Variants in ERP44 observed in about 807,000 individuals in gnomAD.
ERP44 encodes the protein endoplasmic reticulum resident protein 44.
In ERP44, 25 loss-of-function variants were observed where a neutral mutation model predicts 53.4. That is an observed-to-expected ratio of 0.47 (90% CI 0.34 to 0.65). The LOEUF is 0.65. ERP44 is among the 30% of genes least tolerant of loss of function. ERP44 has a pLI of 0.01. For synonymous variants in ERP44, 145 were observed against 161.2 expected (o/e 0.90, Z 0.76); for missense variants, 338 against 493.2 (o/e 0.69, Z 2.98).
chr9:99,980,078 C>CCTA lies in ERP44; in HGVS notation c.*2531_*2533dup, dbSNP rs1403270426. On this transcript the variant is annotated 3_prime_UTR_variant, in exon 12 of 12. Coordinates refer to ENST00000262455, the MANE Select transcript of ERP44 (RefSeq NM_015051.3). ...CAGATTATTCCCTCTCAGCCAGATC[C>CCTA]CTACCTCCTGAGAACACCTATTCAT... The CCTA allele has an allele frequency of 2.5e-6, 1 of 398,384 alleles. No homozygotes were observed. The highest frequency in any genetic ancestry group is 2.1e-5 in the African/African-American group (1 of 48,606). The allele number at this position is 398,384 out of a possible 1,614,324, so 24.7% of individuals were successfully genotyped here.
intron 4 of ERP44, among the ~76,000 whole-genome samples, chr9:100,023,743 C>A (rs1227475174): frequency 6.6e-6 from 1 of 151,880 alleles, no homozygotes; most frequent in African/African-American, 2.4e-5. Context: ...CTGTGCCTAG[C>A]CATAAAATGA....
In ERP44 at chr9:100,055,194, G is replaced by T. The variant is rs1261704741; in HGVS notation, c.170+2626C>A. The stretch of plus-strand genomic sequence containing the variant: ...AAACCTATGTAAAGAGTCTGGATGG[G>T]GATGGTTAATGAGTACAAAAATATA... On this transcript the variant is annotated intron_variant, in intron 3 of 11. Transcript: ENST00000262455. 3.3e-5 allele frequency among the ~76,000 whole-genome samples: 5 copies of T among 152,068 alleles called. No individual in the cohort carries two copies. In the East Asian group the frequency reaches 9.7e-4, roughly 29 times the overall value.
At chr9:100,054,656 G>C (rs568946477) in intron 3 of ERP44, among the ~76,000 whole-genome samples, 1 of 152,216 alleles carries the variant, frequency 6.6e-6, no homozygotes, top group Non-Finnish European at 1.5e-5. Flanking sequence ...TTGGGGTTAG[G>C]GATGTTGAAC....
At chr9:100,056,872 C>A (rs1826092730) in intron 3 of ERP44, among the ~76,000 whole-genome samples, 1 of 152,020 alleles carries the variant, frequency 6.6e-6, no homozygotes, top group Non-Finnish European at 1.5e-5. Context: ...TCATAAGGGG[C>A]CTTCTGGGTC....
chr9:100,016,508 T>C, intron 7 of ERP44, 70 bp from the exon 8 acceptor site: 2 of 1,453,086 alleles, frequency 1.4e-6, no homozygotes, highest in Non-Finnish European at 1.8e-6. Context: ...ATTTTTTTTC[T>C]TTATATTTTT....
intron 1 of ERP44, among the ~76,000 whole-genome samples, chr9:100,069,951 T>C (rs1222145866): frequency 6.6e-6 from 1 of 152,250 alleles, no homozygotes. Flanking sequence ...AGACAATGTA[T>C]TTTTCTCTGA....
chr9:100,008,321 CTTTA>C (rs1277656257), intron 8 of ERP44, among the ~76,000 whole-genome samples: 2 of 152,062 alleles, frequency 1.3e-5, no homozygotes, highest in African/African-American at 2.4e-5. Context: ...TTATATACCT[CTTTA>C]TTTATACACA....
intron 6 of ERP44, among the ~76,000 whole-genome samples, chr9:100,020,116 C>T (rs1830571204): frequency 6.6e-6 from 1 of 152,100 alleles, no homozygotes; most frequent in Admixed American, 6.5e-5. Context: ...TGGATCAAAG[C>T]CCCAGAGGAG....
intron 10 of ERP44, among the ~76,000 whole-genome samples, chr9:99,995,606 A>C (rs1407865174): frequency 6.6e-6 from 1 of 152,200 alleles, no homozygotes; most frequent in African/African-American, 2.4e-5. Flanking sequence ...CATATGAGTG[A>C]GATCATGCAG....
intron 10 of ERP44, among the ~76,000 whole-genome samples, chr9:99,988,135 T>A (rs1490056732): frequency 6.6e-6 from 1 of 152,232 alleles, no homozygotes; most frequent in Non-Finnish European, 1.5e-5. Flanking sequence ...CCTTGTATTA[T>A]CAGTATTTTA....
chr9:100,043,372 TA>T (rs1825934410), intron 4 of ERP44, among the ~76,000 whole-genome samples: 1 of 147,286 alleles, frequency 6.8e-6, no homozygotes. Flanking sequence ...AAAAATAACT[TA>T]AACCGTATGA....
chr9:100,081,424 C>T (rs1311188361), intron 1 of ERP44, among the ~76,000 whole-genome samples: 2 of 151,882 alleles, frequency 1.3e-5, no homozygotes, highest in South Asian at 2.1e-4. Flanking sequence ...ACAGCAGCAA[C>T]ATCTGTAAAG....
At chr9:100,071,097 T>TTTG (rs1392768468) in intron 1 of ERP44, among the ~76,000 whole-genome samples, 4 of 148,864 alleles carry the variant, frequency 2.7e-5, no homozygotes, top group South Asian at 2.2e-4. Context: ...TATAAGGTTT[T>TTTG]TTTTTTTTTT....
Position 100,045,267 on chromosome 9 carries a change from T to C in ERP44, c.286+7150A>G, listed in dbSNP as rs571893093. Among the ~76,000 whole-genome samples, 3 of 152,288 alleles carry C rather than the reference T, an allele frequency of 2.0e-5. No individual in the cohort carries two copies. In the South Asian group the frequency reaches 6.2e-4, roughly 32 times the overall value. ...TCCTTCACTTTTTTTAATCATTTCCTCGAAAACGTCTTCCCTATCCCTGCA... is the reference window on the plus strand; with the variant it reads ...TCCTTCACTTTTTTTAATCATTTCCCCGAAAACGTCTTCCCTATCCCTGCA... On this transcript the variant is annotated intron_variant, in intron 4 of 11. Transcript: ENST00000262455.
Position 99,979,417 on chromosome 9 carries a change from C to A in ERP44, c.*3195G>T, listed in dbSNP as rs1410125641. 6.6e-6 allele frequency: 1 copy of A among 151,818 alleles called. No homozygotes were observed. Among genetic ancestry groups the A allele is most frequent in the Non-Finnish European group, 1.5e-5 (1 of 67,996 alleles). The allele number at this position is 151,818 out of a possible 1,614,324, so 9.4% of individuals were successfully genotyped here. On this transcript the variant is annotated 3_prime_UTR_variant, in exon 12 of 12. Coordinates refer to ENST00000262455, the MANE Select transcript of ERP44 (RefSeq NM_015051.3). ...ACATTTCAAACACTTCTATATTTCACTCTCCTCTCTGTAGCTTTTGTCATG... is the reference window on the plus strand; with the variant it reads ...ACATTTCAAACACTTCTATATTTCAATCTCCTCTCTGTAGCTTTTGTCATG...
At chr9:99,998,496 T>G (rs1830339825) in intron 10 of ERP44, 2 of 713,724 alleles carry the variant, frequency 2.8e-6, no homozygotes, top group South Asian at 3.0e-5. Flanking sequence ...ACGGCCTCCC[T>G]CGGAGCCCCG....
At chr9:99,995,920 C>CTTTTTTTTTTTTTTTTTTTTTTTTTTTTT (rs34632626) in intron 10 of ERP44, among the ~76,000 whole-genome samples, 3 of 121,436 alleles carry the variant, frequency 2.5e-5, no homozygotes, top group African/African-American at 3.1e-5. Context: ...TAGGGTAGTT[C>CTTTTTTTTTTTTTTTTTTTTTTTTTTTTT]TTTTTTTTTT....
intron 10 of ERP44, among the ~76,000 whole-genome samples, chr9:99,988,747 A>G (rs7029020): frequency 0.68 from 102,922 of 152,088 alleles, 36,054 homozygotes; most frequent in East Asian, 0.91. Flanking sequence ...CCCAGGAAGC[A>G]CAAGGGATTG....
intron 1 of ERP44, among the ~76,000 whole-genome samples, chr9:100,062,851 C>A (rs1179899131): frequency 6.6e-6 from 1 of 151,750 alleles, no homozygotes; most frequent in Non-Finnish European, 1.5e-5. Context: ...GGCAGGAGGA[C>A]CCCTTGAGGC....
Sources: gnomAD v4.1 joint callset for allele counts (sites outside exome capture counted in the v4.1 genomes callset) on GRCh38, gnomAD v4.1.1 for gene constraint, MANE v1.5 for transcripts, NCBI Gene and HGNC (gene_info 2026-07-23, HGNC 2026-07-21) for gene names.